The following ROBO2 variants were observed in gnomAD, a reference collection of about 807,000 sequenced individuals.
ROBO2 encodes roundabout guidance receptor 2, also known as roundabout homolog 2.
In ROBO2, 53 loss-of-function variants were observed where a neutral mutation model predicts 160.8. The observed-to-expected ratio is 0.33, with a 90% CI of 0.26 to 0.41. The LOEUF is 0.41. ROBO2 is among the 10% of genes least tolerant of loss of function. The pLI is 1.00. For missense variants in ROBO2, 1,577 were observed against 1,722.4 expected, an observed-to-expected ratio of 0.92 and a Z score of 1.49; for synonymous variants, 664 against 611.7, an observed-to-expected ratio of 1.09 and a Z score of -1.26.
chr3:76,795,394 C>A (rs962367508), intron 2 of ROBO2, among the ~76,000 whole-genome samples: 10 of 152,126 alleles, frequency 6.6e-5, no homozygotes, highest in African/African-American at 2.4e-4. Flanking sequence ...TTAAGACTCT[C>A]AAACCCTGCC....
intron 2 of ROBO2, among the ~76,000 whole-genome samples, chr3:76,452,418 T>G (rs1265769143): frequency 6.6e-6 from 1 of 152,062 alleles, no homozygotes; most frequent in Non-Finnish European, 1.5e-5. Context: ...AGTGAGAACA[T>G]GCGGTGTTTG....
At chr3:77,084,181 T>A (rs907549792) in intron 1 of ROBO2, among the ~76,000 whole-genome samples, 5 of 152,182 alleles carry the variant, frequency 3.3e-5, no homozygotes, top group African/African-American at 9.6e-5. Flanking sequence ...AATAATGTTC[T>A]TTTAAAAAAA....
intron 6 of ROBO2, among the ~76,000 whole-genome samples, chr3:77,535,715 G>A (rs1169063823): frequency 3.3e-5 from 5 of 152,132 alleles, no homozygotes; most frequent in Admixed American, 2.6e-4. Flanking sequence ...CACTGGTAAA[G>A]TACAGAATAA....
At chr3:76,318,142 A>T (rs144760375) in intron 2 of ROBO2, among the ~76,000 whole-genome samples, 2 of 152,114 alleles carry the variant, frequency 1.3e-5, no homozygotes, top group African/African-American at 4.8e-5. Flanking sequence ...AAGAGTTTTG[A>T]TGTATTCTTC....
chr3:75,964,005 G>A (rs1019242256), intron 2 of ROBO2, among the ~76,000 whole-genome samples: 51 of 151,658 alleles, frequency 3.4e-4, no homozygotes, highest in Admixed American at 3.0e-3. Flanking sequence ...GAATTTCACC[G>A]TATGAATTTG....
chr3:76,867,122 GGGAGAGTATTAACACTA>G (rs753357461), intron 2 of ROBO2, among the ~76,000 whole-genome samples: 2 of 152,096 alleles, frequency 1.3e-5, no homozygotes, highest in Non-Finnish European at 2.9e-5. Context: ...TTTACATGTT[GGGAGAGTATTAACACTA>G]GCCTAGATTA....
At chr3:75,937,919 C>T (rs1020429665) in intron 2 of ROBO2, among the ~76,000 whole-genome samples, 2 of 135,444 alleles carry the variant, frequency 1.5e-5, no homozygotes, top group Non-Finnish European at 3.1e-5. Flanking sequence ...TTTGGGTGGG[C>T]GGGTATGCGT....
chr3:77,380,301 G>A (rs949469427), intron 2 of ROBO2, among the ~76,000 whole-genome samples: 1 of 152,160 alleles, frequency 6.6e-6, no homozygotes, highest in Non-Finnish European at 1.5e-5. Flanking sequence ...CCTTCTTGAT[G>A]ATCTGTCCTC....
intron 2 of ROBO2, among the ~76,000 whole-genome samples, chr3:76,752,208 T>G (rs1413860590): frequency 6.6e-6 from 1 of 151,570 alleles, no homozygotes; most frequent in African/African-American, 2.4e-5. Context: ...AAACACCGCA[T>G]GTTCTCACTC....
chr3:76,222,488 T>G (rs1704031884), intron 2 of ROBO2, among the ~76,000 whole-genome samples: 1 of 148,910 alleles, frequency 6.7e-6, no homozygotes, highest in East Asian at 2.1e-4. Context: ...GCCCAACCCT[T>G]GAGATCTTAT....
intron 2 of ROBO2, among the ~76,000 whole-genome samples, chr3:75,979,339 G>T (rs1228039563): frequency 1.3e-5 from 2 of 151,416 alleles, no homozygotes; most frequent in Non-Finnish European, 3.0e-5. Flanking sequence ...TAATAGACTT[G>T]CTTATTTAAT....
At chr3:76,989,310 A>C (rs2149362442) in intron 2 of ROBO2, among the ~76,000 whole-genome samples, 2 of 152,282 alleles carry the variant, frequency 1.3e-5, no homozygotes, top group East Asian at 3.9e-4. Context: ...AAGCTACATA[A>C]ACTGATGAAT....
At chr3:77,621,522 T>G (rs1219569356) in intron 22 of ROBO2, among the ~76,000 whole-genome samples, 2 of 152,196 alleles carry the variant, frequency 1.3e-5, no homozygotes, top group African/African-American at 4.8e-5. Flanking sequence ...ATTTATTCAT[T>G]GCAAAAGGTT....
intron 1 of ROBO2, among the ~76,000 whole-genome samples, chr3:77,048,594 A>G (rs2064922417): frequency 2.0e-5 from 3 of 152,226 alleles, no homozygotes; most frequent in Admixed American, 6.5e-5. Context: ...CTTGTGTAAG[A>G]CAAACTAAAT....
At chr3:77,507,417 A>G (rs73103698) in intron 5 of ROBO2, among the ~76,000 whole-genome samples, 23,243 of 152,116 alleles carry the variant, frequency 0.15, 1,858 homozygotes, top group East Asian at 0.2. Flanking sequence ...ATTCGGAAAT[A>G]CATTTTACCA....
At chr3:77,086,513 T>C (rs529860969) in intron 1 of ROBO2, among the ~76,000 whole-genome samples, 2 of 152,258 alleles carry the variant, frequency 1.3e-5, no homozygotes, top group East Asian at 1.9e-4. Flanking sequence ...AAAACGAACA[T>C]GCACATATCT....
intron 2 of ROBO2, among the ~76,000 whole-genome samples, chr3:76,630,166 T>C (rs1189607519): frequency 2.6e-5 from 4 of 152,208 alleles, no homozygotes; most frequent in Non-Finnish European, 5.9e-5. Flanking sequence ...GTGTAGAGTT[T>C]GCATGTTCTC....
Position 77,586,218 on chromosome 3 carries a change from A to G in ROBO2, c.2501-2533A>G, listed in dbSNP as rs567437374. Among the ~76,000 whole-genome samples the G allele has an allele frequency of 1.2e-4, 18 of 152,294 alleles. 1 individual carries two copies. The highest frequency in any genetic ancestry group is 4.1e-4 in the African/African-American group (17 of 41,586). On this transcript the variant is annotated intron_variant, in intron 16 of 25. Coordinates refer to ENST00000461745, the Ensembl canonical transcript of ROBO2. The stretch of plus-strand genomic sequence containing the variant: ...TTTACAGACACAAAAATGCAATCAA[A>G]TACATTCAGATATATATCCATTAAG...
chr3:76,685,451 G>T (rs2092665337), intron 2 of ROBO2, among the ~76,000 whole-genome samples: 1 of 152,044 alleles, frequency 6.6e-6, no homozygotes, highest in African/African-American at 2.4e-5. Flanking sequence ...TAAAATAGTA[G>T]AAATGGTCAA....
Sources: gnomAD v4.1 joint callset for allele counts (sites outside exome capture counted in the v4.1 genomes callset) on GRCh38, gnomAD v4.1.1 for gene constraint, MANE v1.5 for transcripts, NCBI Gene and HGNC (gene_info 2026-07-23, HGNC 2026-07-21) for gene names.